The following SLC25A33 variants were observed in gnomAD, a reference collection of about 807,000 sequenced individuals.
The protein encoded by SLC25A33 is bone marrow stromal cell mitochondrial carrier protein.
Under a neutral mutation model 35.5 loss-of-function variants are expected in SLC25A33, and 15 were observed. That is an observed-to-expected ratio of 0.42 (90% CI 0.28 to 0.65). The LOEUF (loss-of-function observed/expected upper bound fraction) is 0.65. Ranked by LOEUF, SLC25A33 falls within the 30% of genes least tolerant of loss-of-function variation. SLC25A33 has a pLI of 0.20. For synonymous variants in SLC25A33, 136 were observed against 148.7 expected (o/e 0.91, Z 0.62); for missense variants, 257 against 398.5 (o/e 0.64, Z 3.02).
At chr1:9,548,385 C>T (rs1224229966) in intron 1 of SLC25A33, among the ~76,000 whole-genome samples, 3 of 152,118 alleles carry the variant, frequency 2.0e-5, no homozygotes, top group Non-Finnish European at 4.4e-5. Flanking sequence ...AGTTCAAGAC[C>T]AGCCTGGCCA....
At chr1:9,546,802 CTTAG>C (rs1643178258) in intron 1 of SLC25A33, among the ~76,000 whole-genome samples, 1 of 152,128 alleles carries the variant, frequency 6.6e-6, no homozygotes, top group Admixed American at 6.6e-5. Flanking sequence ...CAGGTGAGGG[CTTAG>C]CTGAGCAGTG....
chr1:9,571,195 G>A (rs1643585667), intron 4 of SLC25A33, among the ~76,000 whole-genome samples: 2 of 152,164 alleles, frequency 1.3e-5, no homozygotes, highest in South Asian at 4.1e-4. Context: ...CTCTTTTGAG[G>A]GAACCATTCC....
At chr1:9,540,236 C>T (rs1429453786) in intron 1 of SLC25A33, among the ~76,000 whole-genome samples, 5 of 152,254 alleles carry the variant, frequency 3.3e-5, no homozygotes, top group Admixed American at 2.0e-4. Context: ...GGACGTTGGA[C>T]GTCAGCAAGG....
At chr1:9,539,782 G>T (rs1449959917) in intron 1 of SLC25A33, 35 bp downstream of exon 1, 4 of 1,337,828 alleles carry the variant, frequency 3.0e-6, no homozygotes, top group Non-Finnish European at 3.8e-6. Flanking sequence ...GCGCCCCACC[G>T]CCTGCGGTCC....
intron 1 of SLC25A33, among the ~76,000 whole-genome samples, chr1:9,551,327 C>G (rs925147402): frequency 6.6e-6 from 1 of 152,110 alleles, no homozygotes; most frequent in Non-Finnish European, 1.5e-5. Context: ...GAACTGAAAT[C>G]GCACCACTGC....
Position 9,539,618 on chromosome 1 carries a change from C to A in SLC25A33, c.-74C>A. ...AGGGCAGCGGGGAGACAAGACCCGG[C>A]GACCTCGCGCATCCCTCGAGCCGCC... On this transcript the variant is annotated 5_prime_UTR_variant, in exon 1 of 7. Transcript: ENST00000302692. 2.5e-6 allele frequency: 3 copies of A among 1,209,218 alleles called. No individual in the cohort carries two copies. The highest frequency in any genetic ancestry group is 2.1e-6 in the Non-Finnish European group (2 of 947,452). The allele number at this position is 1,209,218 out of a possible 1,614,324, so 74.9% of individuals were successfully genotyped here.
At chr1:9,580,882 A>T (rs1309068639) in intron 6 of SLC25A33, among the ~76,000 whole-genome samples, 1 of 148,704 alleles carries the variant, frequency 6.7e-6, no homozygotes, top group African/African-American at 2.4e-5. Flanking sequence ...AATAATAATA[A>T]TAATAATAAT....
At chr1:9,543,728 G>C (rs192805778) in intron 1 of SLC25A33, among the ~76,000 whole-genome samples, 1 of 152,126 alleles carries the variant, frequency 6.6e-6, no homozygotes, top group Non-Finnish European at 1.5e-5. Flanking sequence ...TGGATGCTTT[G>C]GCTCTTATTT....
Position 9,564,765 on chromosome 1 carries a change from T to TATATATATATACAC in SLC25A33, c.237-2518_237-2517insTATATATATACACA, listed in dbSNP as rs59741987. 1.1e-4 allele frequency among the ~76,000 whole-genome samples: 13 copies of TATATATATATACAC among 114,820 alleles called. No homozygotes were observed. In the East Asian group the frequency reaches 2.2e-3, roughly 20 times the overall value. 75.3% of individuals were successfully genotyped at this position (114,820 alleles called of 152,430 possible). On this transcript the variant is annotated intron_variant, in intron 2 of 6. Transcript: ENST00000302692. ...ATATATATATATATATATATATATA[T>TATATATATATACAC]ACACAAAAATTAGCTGAGCGTGGTG...
chr1:9,564,735 AAAAAATATAT>A (rs1288278952), intron 2 of SLC25A33, among the ~76,000 whole-genome samples: 32 of 69,522 alleles, frequency 4.6e-4, no homozygotes, highest in East Asian at 2.4e-3. Flanking sequence ...TAAAAAAAAA[AAAAAATATAT>A]ATATATATAT....
chr1:9,555,748 G>C (rs928766402), intron 2 of SLC25A33, among the ~76,000 whole-genome samples: 4 of 152,088 alleles, frequency 2.6e-5, no homozygotes, highest in South Asian at 4.1e-4. Context: ...GCAGTGGTAC[G>C]ATCTCTGCTC....
chr1:9,571,038 A>G (rs902185003), intron 4 of SLC25A33, among the ~76,000 whole-genome samples: 1 of 151,386 alleles, frequency 6.6e-6, no homozygotes, highest in Non-Finnish European at 1.5e-5. Context: ...CTAAAATTAG[A>G]GTTTCTTTCT....
intron 1 of SLC25A33, among the ~76,000 whole-genome samples, chr1:9,546,375 G>A (rs910613773): frequency 5.3e-5 from 8 of 151,482 alleles, no homozygotes; most frequent in African/African-American, 7.3e-5. Flanking sequence ...TAGTAGAGAC[G>A]GGGTTTCACC....
Position 9,573,365 on chromosome 1 carries a change from A to G in SLC25A33, c.435A>G (p.Leu145=). 6.2e-7 allele frequency: 1 copy of G among 1,608,482 alleles called. No individual in the cohort carries two copies. Among genetic ancestry groups the G allele is most frequent in the South Asian group, 1.1e-5 (1 of 90,376 alleles). ...AGSAAFITNS[L]MNPIWMVKTR... is the part of the protein sequence containing the mutation. ...TTCCAGCTTTTATCACAAATTCCTT[A>G]ATGAATCCTATATGGATGGTTAAAA... The change falls in exon 5 of 7, where the codon TTA becomes TTG. Residue 145 remains leucine (L), a synonymous_variant. Coordinates refer to ENST00000302692, the MANE Select transcript of SLC25A33 (RefSeq NM_032315.3).
At chr1:9,552,910 C>CTTTTTT (rs58092940) in intron 1 of SLC25A33, among the ~76,000 whole-genome samples, 101 of 94,142 alleles carry the variant, frequency 1.1e-3, no homozygotes, top group East Asian at 1.5e-3. Context: ...GGGATTTCAA[C>CTTTTTT]TTTTTTTTTT....
At chr1:9,562,063 A>AG (rs1643431079) in intron 2 of SLC25A33, among the ~76,000 whole-genome samples, 1 of 151,066 alleles carries the variant, frequency 6.6e-6, no homozygotes, top group African/African-American at 2.4e-5. Flanking sequence ...AAAAAAAAAA[A>AG]AGGGGCAATA....
chr1:9,575,158 C>T (rs904260365), intron 5 of SLC25A33, among the ~76,000 whole-genome samples: 1 of 134,720 alleles, frequency 7.4e-6, no homozygotes, highest in East Asian at 2.3e-4. Context: ...GCTTGCAGTG[C>T]GCCAAGATCG....
intron 1 of SLC25A33, among the ~76,000 whole-genome samples, chr1:9,542,557 A>G (rs1643101557): frequency 6.6e-6 from 1 of 152,188 alleles, no homozygotes; most frequent in South Asian, 2.1e-4. Flanking sequence ...TATGGTTAAA[A>G]TGAGGCCACC....
At chr1:9,558,411 C>T (rs546247541) in intron 2 of SLC25A33, among the ~76,000 whole-genome samples, 32 of 152,330 alleles carry the variant, frequency 2.1e-4, no homozygotes, top group Non-Finnish European at 2.5e-4. Context: ...CTCCTGTGGG[C>T]GCACTTAGTT....
Sources: allele counts gnomAD v4.1 joint callset (sites outside exome capture counted in the v4.1 genomes callset), GRCh38; gene constraint gnomAD v4.1.1; transcripts MANE v1.5; gene names NCBI Gene and HGNC (gene_info 2026-07-23, HGNC 2026-07-21).